The following CSNK2A2 variants were observed in gnomAD, a reference collection of about 807,000 sequenced individuals.
CSNK2A2 encodes casein kinase 2 alpha 2.
Under a neutral mutation model 54.0 loss-of-function variants are expected in CSNK2A2, and 8 were observed. That is an observed-to-expected ratio of 0.15 (90% CI 0.09 to 0.27). CSNK2A2 has a LOEUF of 0.27. Among genes scored for constraint, CSNK2A2 ranks in the 10% least tolerant of loss-of-function variants. The pLI is 1.00. For missense variants in CSNK2A2, 242 were observed against 439.4 expected (o/e 0.55, Z 4.02); for synonymous variants, 141 against 153.9 (o/e 0.92, Z 0.62).
intron 5 of CSNK2A2, among the ~76,000 whole-genome samples, chr16:58,170,602 C>T (rs1343914853): frequency 1.3e-5 from 2 of 152,074 alleles, no homozygotes; most frequent in Non-Finnish European, 2.9e-5. Flanking sequence ...CACCAGCAAC[C>T]TGAGGGTTCA....
At chr16:58,158,599 CA>C (rs1961222060) in intron 11 of CSNK2A2, among the ~76,000 whole-genome samples, 1 of 152,200 alleles carries the variant, frequency 6.6e-6, no homozygotes, top group African/African-American at 2.4e-5. Flanking sequence ...GTGCTCTGGG[CA>C]CCACGTGTGT....
At chr16:58,178,424 A>G (rs1961935659) in intron 4 of CSNK2A2, among the ~76,000 whole-genome samples, 6 of 151,988 alleles carry the variant, frequency 3.9e-5, no homozygotes. Flanking sequence ...AGCTGGGACT[A>G]CAGGCGTGCA....
At chr16:58,170,787 T>C (rs1961713132) in intron 5 of CSNK2A2, among the ~76,000 whole-genome samples, 1 of 152,142 alleles carries the variant, frequency 6.6e-6, no homozygotes, top group African/African-American at 2.4e-5. Flanking sequence ...TTTGGAGAAA[T>C]GCTGATTCAA....
chr16:58,191,544 G>A (rs1262321193), intron 2 of CSNK2A2, among the ~76,000 whole-genome samples: 4 of 152,000 alleles, frequency 2.6e-5, no homozygotes, highest in Admixed American at 6.6e-5. Context: ...TGTATTTTTA[G>A]TAGAGACGGA....
At chr16:58,164,507 A>G (rs1258808189) in intron 10 of CSNK2A2, among the ~76,000 whole-genome samples, 2 of 152,216 alleles carry the variant, frequency 1.3e-5, no homozygotes, top group African/African-American at 4.8e-5. Flanking sequence ...CAAGCACTTC[A>G]AAGGAAAGGT....
At chr16:58,171,980 T>TATATATATATATA (rs1555505772) in intron 5 of CSNK2A2, among the ~76,000 whole-genome samples, 34 of 37,014 alleles carry the variant, frequency 9.2e-4, no homozygotes, top group African/African-American at 3.7e-3. Flanking sequence ...TATATATATA[T>TATATATATATATA]TTTTTTTTTT....
chr16:58,196,695 G>C (rs768279690), intron 2 of CSNK2A2, 38 bp downstream of exon 2: 1 of 1,347,056 alleles, frequency 7.4e-7, no homozygotes, highest in Non-Finnish European at 1.1e-6. Flanking sequence ...TTGCCCTGTG[G>C]GGAGGAAAAT....
intron 2 of CSNK2A2, among the ~76,000 whole-genome samples, chr16:58,189,944 TAA>T (rs1199889074): frequency 6.6e-6 from 1 of 152,132 alleles, no homozygotes; most frequent in Non-Finnish European, 1.5e-5. Context: ...GAATCAGAGA[TAA>T]AAAGTTAGGA....
intron 5 of CSNK2A2, among the ~76,000 whole-genome samples, chr16:58,172,882 G>A (rs1961778956): frequency 6.6e-6 from 1 of 152,206 alleles, no homozygotes; most frequent in South Asian, 2.1e-4. Context: ...ATCAGACATT[G>A]AGTGACACCC....
intron 5 of CSNK2A2, among the ~76,000 whole-genome samples, chr16:58,172,103 G>T (rs533874719): frequency 1.3e-5 from 2 of 149,824 alleles, no homozygotes; most frequent in South Asian, 2.1e-4. Flanking sequence ...ATTTATAGGC[G>T]TGAGCCACCG....
At chr16:58,165,537 G>C in intron 10 of CSNK2A2, 23 bp downstream of exon 10, 1 of 1,593,192 alleles carries the variant, frequency 6.3e-7, no homozygotes, top group Non-Finnish European at 8.5e-7. Context: ...ATTACTCCCT[G>C]AACACAGTCC....
intron 4 of CSNK2A2, among the ~76,000 whole-genome samples, chr16:58,180,816 A>C (rs966216427): frequency 1.3e-5 from 2 of 152,232 alleles, no homozygotes; most frequent in Non-Finnish European, 2.9e-5. Context: ...CTGGGTGATA[A>C]TCTTAAAACC....
intron 4 of CSNK2A2, among the ~76,000 whole-genome samples, chr16:58,183,485 T>C (rs1427522208): frequency 6.6e-6 from 1 of 152,162 alleles, no homozygotes; most frequent in Non-Finnish European, 1.5e-5. Context: ...CTCTAGCTCC[T>C]GTCACAACAA....
chr16:58,180,554 C>T (rs947302382), intron 4 of CSNK2A2, among the ~76,000 whole-genome samples: 2 of 152,100 alleles, frequency 1.3e-5, no homozygotes, highest in African/African-American at 4.8e-5. Context: ...GTCTTCCTCC[C>T]ATCCTTGAAA....
At chr16:58,182,357 A>G (rs59804790) in intron 4 of CSNK2A2, among the ~76,000 whole-genome samples, 9,010 of 104,456 alleles carry the variant, frequency 0.086, 416 homozygotes, top group South Asian at 0.27. Flanking sequence ...GTAAAACCCC[A>G]TTTCTACTAA....
intron 4 of CSNK2A2, among the ~76,000 whole-genome samples, chr16:58,178,014 T>C (rs1961925163): frequency 6.6e-6 from 1 of 152,220 alleles, no homozygotes; most frequent in African/African-American, 2.4e-5. Flanking sequence ...TAACGACCTA[T>C]AATAACATAC....
chr16:58,168,543 C>T (rs1184998540), intron 6 of CSNK2A2, 67 bp downstream of exon 6: 1 of 1,370,446 alleles, frequency 7.3e-7, no homozygotes, highest in Non-Finnish European at 1.0e-6. Flanking sequence ...CATCATGGCA[C>T]TGGACAGCTT....
chr16:58,195,215 G>GC (rs1962407380), intron 2 of CSNK2A2, among the ~76,000 whole-genome samples: 1 of 148,860 alleles, frequency 6.7e-6, no homozygotes. Flanking sequence ...CTTCATAAAT[G>GC]CAATTCATAT....
At chr16:58,183,253 T>G (rs959779737) in intron 4 of CSNK2A2, among the ~76,000 whole-genome samples, 1 of 151,678 alleles carries the variant, frequency 6.6e-6, no homozygotes, top group African/African-American at 2.4e-5. Flanking sequence ...AGTGCATGCC[T>G]GTAATCTCAG....
Sources: allele counts gnomAD v4.1 joint callset (sites outside exome capture counted in the v4.1 genomes callset), GRCh38; gene constraint gnomAD v4.1.1; transcripts MANE v1.5; gene names NCBI Gene and HGNC (gene_info 2026-07-23, HGNC 2026-07-21).